OTUD7A: variants seen among roughly 807,000 people sequenced by gnomAD.
The protein encoded by OTUD7A is OTU domain-containing protein 7A.
Under a neutral mutation model 65.7 loss-of-function variants are expected in OTUD7A, and 12 were observed. The ratio of observed to expected loss-of-function variants is 0.18; its 90% CI spans 0.12 to 0.30. The LOEUF is 0.30. Among genes scored for constraint, OTUD7A ranks in the 10% least tolerant of loss-of-function variants. The probability of loss-of-function intolerance (pLI) is 1.00; values close to 1 mark genes in which losing one functional copy is unlikely to be tolerated. For missense variants in OTUD7A, 1,148 were observed against 1,304.8 expected, an observed-to-expected ratio of 0.88 and a Z score of 1.85; for synonymous variants, 641 against 586.3, an observed-to-expected ratio of 1.09 and a Z score of -1.35.
chr15:31,766,625 T>A lies in OTUD7A; in HGVS notation c.-100+103882A>T. 9 of 1,606,304 alleles carry A rather than the reference T, an allele frequency of 5.6e-6. No homozygotes were observed. In the South Asian group the frequency reaches 9.9e-5, roughly 18 times the overall value. ...GTGTATTGATAATAACTATTCCTTCTTGTACTACTTGTTAAAAGCAAACTC... is the reference window on the plus strand; with the variant it reads ...GTGTATTGATAATAACTATTCCTTCATGTACTACTTGTTAAAAGCAAACTC... On this transcript the variant is annotated intron_variant, in intron 1 of 12. Transcript: ENST00000307050.
At chr15:31,807,540 G>A (rs2140956169) in intron 1 of OTUD7A, among the ~76,000 whole-genome samples, 1 of 152,244 alleles carries the variant, frequency 6.6e-6, no homozygotes, top group Non-Finnish European at 1.5e-5. Flanking sequence ...CTGGGGAGCT[G>A]GCAGTTAAGA....
chr15:31,711,259 C>A (rs181231100), intron 1 of OTUD7A, among the ~76,000 whole-genome samples: 1 of 152,106 alleles, frequency 6.6e-6, no homozygotes. Flanking sequence ...CACTTAAAGG[C>A]TGTGACTGAT....
intron 1 of OTUD7A, among the ~76,000 whole-genome samples, chr15:31,733,625 C>T (rs1457193204): frequency 6.6e-6 from 1 of 152,212 alleles, no homozygotes; most frequent in Non-Finnish European, 1.5e-5. Context: ...GTCTTGTTCA[C>T]CATTGTCTCT....
intron 1 of OTUD7A, among the ~76,000 whole-genome samples, chr15:31,752,322 T>C (rs1224947577): frequency 6.6e-6 from 1 of 152,162 alleles, no homozygotes; most frequent in Non-Finnish European, 1.5e-5. Flanking sequence ...ATGAGGAAAA[T>C]CTATCCTCAT....
chr15:31,591,518 A>C (rs528648468), intron 3 of OTUD7A, among the ~76,000 whole-genome samples: 42 of 152,292 alleles, frequency 2.8e-4, no homozygotes, highest in South Asian at 6.2e-4. Flanking sequence ...AAATAAGAGG[A>C]AACTCACTCT....
intron 5 of OTUD7A, among the ~76,000 whole-genome samples, chr15:31,536,994 C>A (rs1357997956): frequency 1.3e-5 from 2 of 152,108 alleles, no homozygotes; most frequent in African/African-American, 4.8e-5. Flanking sequence ...AATCACTACA[C>A]ATTATATACA....
intron 1 of OTUD7A, among the ~76,000 whole-genome samples, chr15:31,728,268 G>T (rs1002940149): frequency 6.6e-6 from 1 of 152,140 alleles, no homozygotes; most frequent in African/African-American, 2.4e-5. Context: ...TTCATGGCAG[G>T]ATTTCCACCT....
intron 3 of OTUD7A, among the ~76,000 whole-genome samples, chr15:31,579,344 T>C (rs1025881854): frequency 3.8e-4 from 58 of 152,236 alleles, no homozygotes; most frequent in African/African-American, 1.4e-3. Context: ...GGCTTCTCTT[T>C]GTCTTATCCA....
intron 1 of OTUD7A, among the ~76,000 whole-genome samples, chr15:31,742,994 C>A (rs1894383524): frequency 6.6e-6 from 1 of 151,932 alleles, no homozygotes. Flanking sequence ...ATAGACAAAT[C>A]CATAACCATA....
chr15:31,870,087 A>T (rs988613811), intron 1 of OTUD7A, among the ~76,000 whole-genome samples: 2 of 149,902 alleles, frequency 1.3e-5, no homozygotes, highest in African/African-American at 4.9e-5. Flanking sequence ...GGCCGTCTGC[A>T]AGAGCCGCGG....
chr15:31,768,270 C>A, intron 1 of OTUD7A: 1 of 736,758 alleles, frequency 1.4e-6, no homozygotes, highest in South Asian at 1.5e-5. Context: ...GCCCGGGCAG[C>A]GGCGAGTCTC....
intron 8 of OTUD7A, among the ~76,000 whole-genome samples, chr15:31,510,350 C>A (rs1286624578): frequency 1.3e-5 from 2 of 151,298 alleles, no homozygotes; most frequent in Admixed American, 6.6e-5. Flanking sequence ...GTGTGCCTGG[C>A]TGTCTGGCGT....
intron 3 of OTUD7A, among the ~76,000 whole-genome samples, chr15:31,588,973 C>T (rs140551615): frequency 6.6e-6 from 1 of 152,332 alleles, no homozygotes; most frequent in East Asian, 1.9e-4. Flanking sequence ...GCACATGGCA[C>T]ACTTTCTGTT....
In OTUD7A at chr15:31,559,689, C is replaced by G. The variant is rs533416092; in HGVS notation, c.332-502G>C. ...CATATACTACACACATATATACATG[C>G]CCACGCACATACACTACAGACTATA... On this transcript the variant is annotated intron_variant, in intron 4 of 12. Transcript: ENST00000307050. Among the ~76,000 whole-genome samples the G allele has an allele frequency of 2.6e-4, 40 of 152,238 alleles. 1 individual carries two copies. In the East Asian group the frequency reaches 7.3e-3, roughly 28 times the overall value.
intron 3 of OTUD7A, chr15:31,649,807 A>T (rs1241909848): frequency 4.7e-6 from 2 of 428,032 alleles, no homozygotes; most frequent in Admixed American, 4.8e-5. Context: ...CGGGCTCAGG[A>T]AGGTGGATCA....
intron 3 of OTUD7A, among the ~76,000 whole-genome samples, chr15:31,645,896 T>G (rs1326495452): frequency 6.6e-6 from 1 of 152,204 alleles, no homozygotes; most frequent in Non-Finnish European, 1.5e-5. Context: ...CCTACTCTTC[T>G]TTCTTCCTGG....
At chr15:31,686,224 G>T (rs1315395099) in intron 1 of OTUD7A, among the ~76,000 whole-genome samples, 1 of 152,240 alleles carries the variant, frequency 6.6e-6, no homozygotes, top group Non-Finnish European at 1.5e-5. Context: ...CCCTGAGTGT[G>T]GCCAAGCACC....
At chr15:31,575,781 G>A (rs1246310248) in intron 3 of OTUD7A, among the ~76,000 whole-genome samples, 3 of 152,148 alleles carry the variant, frequency 2.0e-5, no homozygotes, top group African/African-American at 7.2e-5. Flanking sequence ...CTCCAAACAC[G>A]GGGCCCAGGA....
chr15:31,545,399 GA>G (rs1416959616), intron 5 of OTUD7A, among the ~76,000 whole-genome samples: 5 of 151,364 alleles, frequency 3.3e-5, no homozygotes, highest in South Asian at 4.2e-4. Context: ...CAAGTAAGGG[GA>G]AAAAAAAGGT....
Sources: gnomAD v4.1 joint callset for allele counts (sites outside exome capture counted in the v4.1 genomes callset) on GRCh38, gnomAD v4.1.1 for gene constraint, MANE v1.5 for transcripts, NCBI Gene and HGNC (gene_info 2026-07-23, HGNC 2026-07-21) for gene names.